The following CPA6 variants were observed in gnomAD, a reference collection of about 807,000 sequenced individuals.
CPA6 encodes the protein carboxypeptidase A6, also known as carboxypeptidase B.
CPA6 carries 58 observed loss-of-function variants against 63.3 expected under a neutral mutation model. The observed-to-expected ratio is 0.92, with a 90% CI of 0.74 to 1.14. The LOEUF (loss-of-function observed/expected upper bound fraction) is 1.14, where lower values mean the gene tolerates loss of function less well. Among genes scored for constraint, CPA6 ranks in the 50% most tolerant of loss-of-function variants. The pLI is 0.00. For synonymous variants in CPA6, 185 were observed against 179.0 expected, an observed-to-expected ratio of 1.03 and a Z score of -0.27; for missense variants, 565 against 526.6, an observed-to-expected ratio of 1.07 and a Z score of -0.71.
Position 67,478,421 on chromosome 8 carries a change from T to TTA in CPA6, c.838+5345_838+5346dup, listed in dbSNP as rs1811288609. Among the ~76,000 whole-genome samples, 3 of 152,300 alleles carry TTA rather than the reference T, an allele frequency of 2.0e-5. No homozygotes were observed. The South Asian group carries it at 6.2e-4, about 32-fold the overall frequency. On this transcript the variant is annotated intron_variant, in intron 8 of 10. Coordinates refer to ENST00000297770, the MANE Select transcript of CPA6 (RefSeq NM_020361.5). ...AAGAGGGGGTCTTGGGAACCCTGATTTATAGCCAGTCAGTCAGAAGTACAG... is the reference window on the plus strand; with the variant it reads ...AAGAGGGGGTCTTGGGAACCCTGATTTATATAGCCAGTCAGTCAGAAGTACAG...
chr8:67,598,368 G>C (rs1814403136), intron 2 of CPA6, among the ~76,000 whole-genome samples: 1 of 151,934 alleles, frequency 6.6e-6, no homozygotes, highest in Non-Finnish European at 1.5e-5. Flanking sequence ...GGGAGTTTTG[G>C]TTCAAATCAC....
chr8:67,542,023 G>T (rs1209043409), intron 2 of CPA6, among the ~76,000 whole-genome samples: 1 of 152,226 alleles, frequency 6.6e-6, no homozygotes, highest in African/African-American at 2.4e-5. Flanking sequence ...TATCTGGCAA[G>T]AAACCAGTAT....
intron 8 of CPA6, among the ~76,000 whole-genome samples, chr8:67,440,648 T>C (rs559265574): frequency 1.3e-5 from 2 of 152,260 alleles, no homozygotes; most frequent in Non-Finnish European, 2.9e-5. Flanking sequence ...CATCATAGAA[T>C]GTACTTATGC....
intron 8 of CPA6, among the ~76,000 whole-genome samples, chr8:67,481,440 C>T (rs765226661): frequency 1.3e-5 from 2 of 152,186 alleles, no homozygotes; most frequent in East Asian, 3.8e-4. Flanking sequence ...CTCAGGGGAG[C>T]TATGAAGTAT....
chr8:67,431,241 T>A (rs147000033), intron 9 of CPA6, among the ~76,000 whole-genome samples: 1 of 151,852 alleles, frequency 6.6e-6, no homozygotes, highest in Non-Finnish European at 1.5e-5. Flanking sequence ...CATTCTCATA[T>A]GATAATTTTT....
intron 2 of CPA6, among the ~76,000 whole-genome samples, chr8:67,588,645 T>A (rs1226768373): frequency 6.6e-6 from 1 of 152,182 alleles, no homozygotes; most frequent in Non-Finnish European, 1.5e-5. Context: ...GCTATATCTT[T>A]TTTAAAAAGA....
At chr8:67,475,876 TTTCTCCTTTCTTTCTTTCTTTC>T (rs1811204903) in intron 8 of CPA6, among the ~76,000 whole-genome samples, 2 of 77,334 alleles carry the variant, frequency 2.6e-5, no homozygotes, top group Admixed American at 1.5e-4. Context: ...TCTTTCTTTC[TTTCTCCTTTCTTTCTTTCTTTC>T]TTTCTTTCTT....
chr8:67,493,702 A>C (rs935912679), intron 6 of CPA6, among the ~76,000 whole-genome samples: 1 of 152,180 alleles, frequency 6.6e-6, no homozygotes, highest in Non-Finnish European at 1.5e-5. Context: ...TGGAAGGGTG[A>C]GGTTTCACAT....
At chr8:67,574,118 CTG>C (rs1282380826) in intron 2 of CPA6, among the ~76,000 whole-genome samples, 9 of 151,880 alleles carry the variant, frequency 5.9e-5, no homozygotes, top group African/African-American at 1.7e-4. Context: ...TGGTTCATGA[CTG>C]TGATCTCAGC....
At chr8:67,706,703 A>G (rs916719752) in intron 1 of CPA6, among the ~76,000 whole-genome samples, 1 of 152,216 alleles carries the variant, frequency 6.6e-6, no homozygotes. Context: ...GAATAGAAGC[A>G]CAACATAGTT....
At chr8:67,681,200 C>CTTTTTTTTTTTTTTTTTTTTTTTTTTTTT (rs1007305743) in intron 1 of CPA6, among the ~76,000 whole-genome samples, 1 of 89,896 alleles carries the variant, frequency 1.1e-5, no homozygotes, top group Non-Finnish European at 2.0e-5. Flanking sequence ...CAAAGATTTT[C>CTTTTTTTTTTTTTTTTTTTTTTTTTTTTT]TTTTTTTTTT....
At chr8:67,559,167 T>A (rs944265721) in intron 2 of CPA6, among the ~76,000 whole-genome samples, 1 of 152,192 alleles carries the variant, frequency 6.6e-6, no homozygotes, top group Non-Finnish European at 1.5e-5. Flanking sequence ...TTTCTCTTTG[T>A]CCCACTCTTG....
Position 67,702,044 on chromosome 8 carries a change from A to G in CPA6, c.116+43970T>C, listed in dbSNP as rs77818927. Among the ~76,000 whole-genome samples, 1,450 of 152,188 alleles carry G rather than the reference A, an allele frequency of 9.5e-3. 19 individuals carry two copies. The highest frequency in any genetic ancestry group is 0.033 in the African/African-American group (1,374 of 41,540). On this transcript the variant is annotated intron_variant, in intron 1 of 10. Transcript: ENST00000297770. ...AGTGTTTGTTAAACTGCCTCTCTAA[A>G]AGAATAATTGATTGCAGCTGGCTCC... is the stretch of plus-strand genomic sequence containing the variant.
At chr8:67,587,391 G>A (rs1813971655) in intron 2 of CPA6, among the ~76,000 whole-genome samples, 1 of 152,124 alleles carries the variant, frequency 6.6e-6, no homozygotes, top group African/African-American at 2.4e-5. Flanking sequence ...CTGGAGTTGG[G>A]GCTAGACTGG....
intron 1 of CPA6, among the ~76,000 whole-genome samples, chr8:67,696,324 A>ATGCAAAT (rs1382713795): frequency 6.6e-6 from 1 of 152,238 alleles, no homozygotes; most frequent in East Asian, 1.9e-4. Context: ...CATTAGGGAA[A>ATGCAAAT]TGCAAATTAC....
At chr8:67,616,680 G>C (rs1425529586) in intron 2 of CPA6, among the ~76,000 whole-genome samples, 1 of 152,076 alleles carries the variant, frequency 6.6e-6, no homozygotes, top group Admixed American at 6.6e-5. Context: ...TCTGAGCTGT[G>C]ACTTTCTTTG....
At chr8:67,630,909 C>T (rs948501940) in intron 1 of CPA6, among the ~76,000 whole-genome samples, 8 of 152,244 alleles carry the variant, frequency 5.3e-5, no homozygotes, top group African/African-American at 1.7e-4. Context: ...CCAGCAGTGC[C>T]GGCCCACTGG....
At chr8:67,617,883 G>A (rs1368157800) in intron 2 of CPA6, among the ~76,000 whole-genome samples, 1 of 152,178 alleles carries the variant, frequency 6.6e-6, no homozygotes, top group East Asian at 1.9e-4. Context: ...AGCAGCTAGA[G>A]GCCACCCACA....
chr8:67,651,989 G>A lies in CPA6; in HGVS notation c.117-27738C>T, dbSNP rs1035894228. ...TTCCCACCTATGAGTGAGAACATGC[G>A]GTGTTTGTTTTTTTGTCCTTGGTGA... On this transcript the variant is annotated intron_variant, in intron 1 of 10. Transcript: ENST00000297770. 6.6e-5 allele frequency among the ~76,000 whole-genome samples: 10 copies of A among 151,904 alleles called. No homozygotes were observed. The South Asian group carries it at 1.3e-3, about 19-fold the overall frequency.
Sources: allele counts gnomAD v4.1 joint callset (sites outside exome capture counted in the v4.1 genomes callset), GRCh38; gene constraint gnomAD v4.1.1; transcripts MANE v1.5; gene names NCBI Gene and HGNC (gene_info 2026-07-23, HGNC 2026-07-21).